The following VWF variants were observed in gnomAD, a reference collection of about 807,000 sequenced individuals.
VWF encodes Factor VIII related antigen.
In VWF, 176 loss-of-function variants were observed where a neutral mutation model predicts 308.6. The observed-to-expected ratio is 0.57, with a 90% CI of 0.50 to 0.65. The LOEUF (loss-of-function observed/expected upper bound fraction) is 0.65. Among genes scored for constraint, VWF ranks in the 30% least tolerant of loss-of-function variants. The pLI is 0.00. For synonymous variants in VWF, 1,385 were observed against 1,443.4 expected (o/e 0.96, Z 0.92); for missense variants, 3,146 against 3,648.2 (o/e 0.86, Z 3.55).
rs761350219 is a variant in VWF at position 6,019,132 on chromosome 12, T to C, written c.4286A>G (p.Glu1429Gly). Residue 1429 changes from glutamate to glycine, a missense_variant, in exon 28 of 52, where the codon GAG (glutamate) becomes GGG (glycine). By Grantham distance (98) the Glu-to-Gly change is moderately conservative (BLOSUM62 -2). Coordinates refer to ENST00000261405, the MANE Select transcript of VWF (RefSeq NM_000552.5). This position sits in a 1 kb window ranked among gnomAD's most constrained non-coding sequence, Gnocchi z 5.8. Reference protein sequence around the residue: ...HANLKQIRLIEKQAPENKAFV... With the variant: ...HANLKQIRLIGKQAPENKAFV... ...GGCCTTGTTCTCAGGGGCCTGCTTC[T>C]CGATGAGGCGGATCTGCTTGAGGTT... is the stretch of plus-strand genomic sequence containing the variant. 1.2e-6 allele frequency: 2 copies of C among 1,613,760 alleles called. No homozygotes were observed. The highest frequency in any genetic ancestry group is 1.7e-6 in the Non-Finnish European group (2 of 1,179,838).
intron 35 of VWF, among the ~76,000 whole-genome samples, chr12:5,995,660 G>A (rs1943800146): frequency 6.6e-6 from 1 of 152,182 alleles, no homozygotes. Flanking sequence ...CCTTTGGAAA[G>A]CTTACAGGGT....
In VWF at chr12:6,064,339, G is replaced by A. The variant is rs372495746; in HGVS notation, c.1339C>T (p.Arg447Trp). The A allele has an allele frequency of 3.8e-5, 61 of 1,614,038 alleles. No individual in the cohort carries two copies. The highest frequency in any genetic ancestry group is 1.3e-4 in the Admixed American group (8 of 60,010). The change falls in exon 12 of 52, where the codon CGG becomes TGG. Residue 447 changes from arginine to tryptophan, a missense_variant. By Grantham distance (101) the Arg-to-Trp change is moderately radical. Transcript: ENST00000261405. ...AGGCTGTTGTGCAGGCCAGGCAGCC[G>A]GACGGTGACGGAGCGGGTGCACACA... is the stretch of plus-strand genomic sequence containing the variant. ...DAVCTRSVTV[R>W]LPGLHNSLVK...
At chr12:6,036,543 C>T in intron 18 of VWF, 52 bp from the exon 19 acceptor site, 1 of 1,551,166 alleles carries the variant, frequency 6.4e-7, no homozygotes, top group Non-Finnish European at 8.9e-7. Context: ...TGATCTAAAG[C>T]CCTCCTCCAG....
chr12:6,121,089 C>T, intron 3 of VWF, 85 bp downstream of exon 3: 1 of 1,579,200 alleles, frequency 6.3e-7, no homozygotes, highest in African/African-American at 1.3e-5. Flanking sequence ...AGACACTGTC[C>T]TGAGAGCAGG....
intron 6 of VWF, among the ~76,000 whole-genome samples, chr12:6,088,656 C>G (rs1396277025): frequency 2.0e-5 from 3 of 151,856 alleles, no homozygotes; most frequent in Non-Finnish European, 4.4e-5. Flanking sequence ...CCTTGCTGGC[C>G]TTCCCCAGTC....
rs746584433 is a variant in VWF at position 5,952,379 on chromosome 12, A to T, written c.8115+12T>A. ...TTGAGACAGTAAAGAGGAAAGCAGA[A>T]TGAGTACTCACTCCCTCAGCCAGAC... On this transcript the variant is annotated intron_variant, in intron 49 of 51. Transcript: ENST00000261405. 2.5e-6 allele frequency: 4 copies of T among 1,613,708 alleles called. No homozygotes were observed. The South Asian group carries it at 4.4e-5, about 18-fold the overall frequency.
At chr12:5,968,072 A>C in intron 46 of VWF, 55 bp downstream of exon 46, 1 of 1,611,116 alleles carries the variant, frequency 6.2e-7, no homozygotes, top group Non-Finnish European at 8.5e-7. Flanking sequence ...CCCTTCCCAC[A>C]GTACCCCCTT....
chr12:6,122,761 T>C (rs1945445255), intron 2 of VWF: 2 of 543,172 alleles, frequency 3.7e-6, no homozygotes, highest in African/African-American at 1.9e-5. Flanking sequence ...GGAGCAGTCA[T>C]TTCTCCTCTC....
chr12:6,062,700 C>G (rs1018941246), intron 13 of VWF, among the ~76,000 whole-genome samples: 1 of 152,134 alleles, frequency 6.6e-6, no homozygotes, highest in Admixed American at 6.5e-5. Flanking sequence ...CCCAGCCCCA[C>G]AAGAGCCCAC....
At position 6,064,210 on chromosome 12, in the gene VWF, C is replaced by T. The variant is rs772573146; in HGVS notation, c.1432+36G>A. ...GGAGGGTGCTAAGGGATGGGCTGTGCCAGCCCCAGGCCTGATGGAGCAGGA... is the reference window on the plus strand; with the variant it reads ...GGAGGGTGCTAAGGGATGGGCTGTGTCAGCCCCAGGCCTGATGGAGCAGGA... On this transcript the variant is annotated intron_variant, in intron 12 of 51. Coordinates refer to ENST00000261405, the MANE Select transcript of VWF (RefSeq NM_000552.5). 7 of 1,613,744 alleles carry T rather than the reference C, an allele frequency of 4.3e-6. No homozygotes were observed. The South Asian group carries it at 6.6e-5, about 15-fold the overall frequency.
At chr12:6,074,487 T>TA (rs776702305) in intron 7 of VWF, among the ~76,000 whole-genome samples, 13,397 of 61,858 alleles carry the variant, frequency 0.22, 2,628 homozygotes, top group African/African-American at 0.5. Context: ...TTCACAGACC[T>TA]AAAAAAAAAA....
intron 34 of VWF, among the ~76,000 whole-genome samples, chr12:5,998,680 C>T (rs1943839223): frequency 6.6e-6 from 1 of 151,306 alleles, no homozygotes; most frequent in African/African-American, 2.4e-5. Context: ...ATGCTTTCAG[C>T]ATAAGTAGAA....
chr12:6,109,268 CAT>C (rs1407554782), intron 5 of VWF, among the ~76,000 whole-genome samples: 4 of 149,562 alleles, frequency 2.7e-5, no homozygotes, highest in Non-Finnish European at 4.4e-5. Context: ...TATATATATA[CAT>C]ATATATACAC....
rs372921016 is a variant in VWF, at chr12:6,103,366, ATGTG to A, written c.532+7004_532+7007del. ...TATATGTGTGTATATATACATATAT[ATGTG>A]TGTGTGTGTATACACGTGTGTGTAT... On this transcript the variant is annotated intron_variant, in intron 5 of 51. Coordinates refer to ENST00000261405, the MANE Select transcript of VWF (RefSeq NM_000552.5). Among the ~76,000 whole-genome samples, 32 of 142,440 alleles carry A rather than the reference ATGTG, an allele frequency of 2.2e-4. No individual in the cohort carries two copies. The East Asian group carries it at 4.6e-3, about 20-fold the overall frequency. The allele number at this position is 142,440 out of a possible 152,430, so 93.4% of individuals were successfully genotyped here.
At chr12:6,065,344 T>C in intron 10 of VWF, 71 bp from the exon 11 acceptor site, 1 of 1,594,568 alleles carries the variant, frequency 6.3e-7, no homozygotes, top group Non-Finnish European at 8.6e-7. Context: ...CAAGGTGGAA[T>C]GCATATGCAA....
At chr12:6,051,294 T>TCC (rs1565844278) in intron 16 of VWF, among the ~76,000 whole-genome samples, 5,594 of 39,734 alleles carry the variant, frequency 0.14, 125 homozygotes, top group Middle Eastern at 0.35. Context: ...TTCTTTTTTT[T>TCC]TTTTTTTTTT....
At chr12:6,014,262 A>G (rs149336698) in intron 31 of VWF, among the ~76,000 whole-genome samples, 3,165 of 152,182 alleles carry the variant, frequency 0.021, 67 homozygotes, top group Non-Finnish European at 0.027. Context: ...TGGCCACAGT[A>G]AGGGCTCACC....
At position 6,046,868 on chromosome 12, in the gene VWF, C is replaced by T. The variant is rs371952155; in HGVS notation, c.2187-51G>A. ...GCTTCACGAGACTCGTCTATACTCG[C>T]TGCCTCCACATCTTCACCTCCCACT... On this transcript the variant is annotated intron_variant, in intron 16 of 51. Transcript: ENST00000261405. This position sits in a 1 kb window ranked among gnomAD's most constrained non-coding sequence, Gnocchi z 5.0. 1.1e-4 allele frequency: 171 copies of T among 1,542,576 alleles called. No homozygotes were observed. The highest frequency in any genetic ancestry group is 1.3e-4 in the Non-Finnish European group (148 of 1,122,456).
At chr12:6,113,308 T>A (rs1190231457) in intron 3 of VWF, among the ~76,000 whole-genome samples, 1 of 151,750 alleles carries the variant, frequency 6.6e-6, no homozygotes, top group Non-Finnish European at 1.5e-5. Context: ...TTTTTTTTTT[T>A]TTTTTTTGAG....
Sources: gnomAD v4.1 joint callset for allele counts (sites outside exome capture counted in the v4.1 genomes callset) on GRCh38, gnomAD v4.1.1 for gene constraint, Gnocchi (gnomAD v3.1) non-coding constraint, MANE v1.5 for transcripts, NCBI Gene and HGNC (gene_info 2026-07-23, HGNC 2026-07-21) for gene names.